The following RAD51B variants were observed in gnomAD, a reference collection of about 807,000 sequenced individuals.
The protein encoded by RAD51B is RAD51 paralog B, also known as DNA repair protein RAD51 homolog 2.
Under a neutral mutation model 42.2 loss-of-function variants are expected in RAD51B, and 38 were observed. The ratio of observed to expected loss-of-function variants is 0.90; its 90% CI spans 0.70 to 1.18. The LOEUF (loss-of-function observed/expected upper bound fraction) is 1.18. Among genes scored for constraint, RAD51B ranks in the 50% most tolerant of loss-of-function variants. The pLI, the probability that RAD51B is intolerant of heterozygous loss-of-function variation, is 0.00. For synonymous variants in RAD51B, 154 were observed against 145.2 expected, an observed-to-expected ratio of 1.06 and a Z score of -0.43; for missense variants, 373 against 400.7, an observed-to-expected ratio of 0.93 and a Z score of 0.59.
intron 7 of RAD51B, among the ~76,000 whole-genome samples, chr14:68,198,030 A>T (rs1347832959): frequency 6.6e-6 from 1 of 152,106 alleles, no homozygotes; most frequent in Non-Finnish European, 1.5e-5. Flanking sequence ...TGTCAACCTC[A>T]TGGTTGCAGC....
At chr14:67,938,364 A>G (rs1298288593) in intron 7 of RAD51B, among the ~76,000 whole-genome samples, 2 of 152,234 alleles carry the variant, frequency 1.3e-5, no homozygotes, top group African/African-American at 4.8e-5. Flanking sequence ...ATGAGTCAGG[A>G]AAGTTTTCTA....
chr14:68,549,262 T>TG (rs1182162697), intron 10 of RAD51B, among the ~76,000 whole-genome samples: 1 of 150,450 alleles, frequency 6.6e-6, no homozygotes, highest in Non-Finnish European at 1.5e-5. Flanking sequence ...GGGGGAGGGA[T>TG]GGGGGGAGAA....
chr14:67,931,143 A>T (rs2044717155), intron 7 of RAD51B, among the ~76,000 whole-genome samples: 1 of 151,948 alleles, frequency 6.6e-6, no homozygotes, highest in Non-Finnish European at 1.5e-5. Context: ...GGATGGTCTC[A>T]ATCGCCTGAC....
intron 7 of RAD51B, among the ~76,000 whole-genome samples, chr14:68,276,274 T>G (rs1322467630): frequency 1.3e-5 from 2 of 152,148 alleles, no homozygotes; most frequent in African/African-American, 4.8e-5. Context: ...GGGCCCTTCC[T>G]TCAAGGCCCA....
intron 7 of RAD51B, among the ~76,000 whole-genome samples, chr14:68,245,197 A>C (rs1484057270): frequency 6.6e-6 from 1 of 152,142 alleles, no homozygotes; most frequent in Non-Finnish European, 1.5e-5. Context: ...GGTGGGTATA[A>C]ATTTAGTACT....
intron 7 of RAD51B, among the ~76,000 whole-genome samples, chr14:68,006,570 C>CT (rs1483048139): frequency 6.6e-6 from 1 of 151,996 alleles, no homozygotes; most frequent in African/African-American, 2.4e-5. Context: ...ACTTTACATA[C>CT]TGTTTTGTAC....
chr14:68,233,251 G>C (rs968191368), intron 7 of RAD51B, among the ~76,000 whole-genome samples: 17 of 152,178 alleles, frequency 1.1e-4, no homozygotes, highest in African/African-American at 4.1e-4. Flanking sequence ...TAAACACACA[G>C]ATAGTGCTTA....
chr14:68,449,348 A>G (rs942667810), intron 9 of RAD51B, among the ~76,000 whole-genome samples: 2 of 152,206 alleles, frequency 1.3e-5, no homozygotes, highest in Non-Finnish European at 1.5e-5. Context: ...TCTTCTACCT[A>G]GGGACCCCAA....
At chr14:68,677,800 T>C (rs990293482) in intron 11 of RAD51B, among the ~76,000 whole-genome samples, 3 of 152,208 alleles carry the variant, frequency 2.0e-5, no homozygotes, top group Admixed American at 6.5e-5. Flanking sequence ...CCAGGTCCTC[T>C]TGGGTAGGTG....
Position 68,565,893 on chromosome 14 carries a change from C to T in RAD51B, c.1037-28592C>T, listed in dbSNP as rs1172193819. ...GATCTTTTCCCTGGAGGTGTCTGGC[C>T]ACTCTCATCCCCGCCGGGCTCCAAT... On this transcript the variant is annotated intron_variant, in intron 10 of 10. Transcript: ENST00000487270. This position sits in a 1 kb window ranked among gnomAD's most constrained non-coding sequence, Gnocchi z 4.1. Among the ~76,000 whole-genome samples the T allele has an allele frequency of 1.3e-5, 2 of 152,178 alleles. No individual in the cohort carries two copies. Among genetic ancestry groups the T allele is most frequent in the Non-Finnish European group, 2.9e-5 (2 of 68,034 alleles).
intron 7 of RAD51B, among the ~76,000 whole-genome samples, chr14:68,090,457 T>C (rs998770847): frequency 5.3e-5 from 8 of 152,130 alleles, no homozygotes; most frequent in African/African-American, 1.9e-4. Context: ...AGTAATACTT[T>C]TAAGACTGTA....
intron 8 of RAD51B, among the ~76,000 whole-genome samples, chr14:68,329,523 A>G (rs2082307398): frequency 6.6e-6 from 1 of 152,180 alleles, no homozygotes; most frequent in Non-Finnish European, 1.5e-5. Context: ...ATGATAATAT[A>G]CATACAGAAT....
intron 9 of RAD51B, among the ~76,000 whole-genome samples, chr14:68,437,164 G>T (rs1308321761): frequency 6.6e-6 from 1 of 152,044 alleles, no homozygotes; most frequent in African/African-American, 2.4e-5. Context: ...TGTTATAGAT[G>T]ACTCTATTTT....
intron 7 of RAD51B, among the ~76,000 whole-genome samples, chr14:68,079,286 A>C (rs1002640146): frequency 2.6e-5 from 4 of 152,252 alleles, no homozygotes; most frequent in African/African-American, 7.2e-5. Flanking sequence ...CAGGTAAATT[A>C]TAACCCACTT....
At chr14:67,872,055 T>C (rs11158699) in intron 5 of RAD51B, among the ~76,000 whole-genome samples, 142,975 of 144,352 alleles carry the variant, frequency 0.99, 70,799 homozygotes, top group African/African-American at 1. Context: ...TCTCACCACT[T>C]CTATTTAACA....
chr14:68,028,093 C>T (rs1273649525), intron 7 of RAD51B, among the ~76,000 whole-genome samples: 1 of 152,168 alleles, frequency 6.6e-6, no homozygotes, highest in Non-Finnish European at 1.5e-5. Context: ...GGGCATATTA[C>T]CAAAATATTT....
chr14:68,454,315 T>G (rs2085628924), intron 9 of RAD51B, among the ~76,000 whole-genome samples: 1 of 151,998 alleles, frequency 6.6e-6, no homozygotes, highest in Non-Finnish European at 1.5e-5. Context: ...ACTCCCAAAC[T>G]CTACACCTCC....
intron 7 of RAD51B, among the ~76,000 whole-genome samples, chr14:68,246,963 T>G (rs896622630): frequency 1.3e-5 from 2 of 152,196 alleles, no homozygotes; most frequent in African/African-American, 4.8e-5. Context: ...GCCATCTCAC[T>G]TAATGCTGTC....
intron 7 of RAD51B, among the ~76,000 whole-genome samples, chr14:68,045,355 C>T (rs1283107505): frequency 6.6e-6 from 1 of 151,168 alleles, no homozygotes; most frequent in African/African-American, 2.4e-5. Context: ...AAGAGCAGCT[C>T]TTGTTTCATA....
Sources: gnomAD v4.1 joint callset for allele counts (sites outside exome capture counted in the v4.1 genomes callset) on GRCh38, gnomAD v4.1.1 for gene constraint, Gnocchi (gnomAD v3.1) non-coding constraint, MANE v1.5 for transcripts, NCBI Gene and HGNC (gene_info 2026-07-23, HGNC 2026-07-21) for gene names.